TACC2: variants seen among roughly 807,000 people sequenced by gnomAD.
The protein encoded by TACC2 is transforming acidic coiled-coil containing protein 2.
In TACC2, 137 loss-of-function variants were observed where a neutral mutation model predicts 227.3. That is an observed-to-expected ratio of 0.60 (90% CI 0.52 to 0.69). TACC2 has a LOEUF of 0.69. Ranked by LOEUF, TACC2 falls within the 30% of genes least tolerant of loss-of-function variation. The probability of loss-of-function intolerance (pLI) is 0.00; values close to 1 mark genes in which losing one functional copy is unlikely to be tolerated. For missense variants in TACC2, 3,470 were observed against 3,694.4 expected (o/e 0.94, Z 1.57); for synonymous variants, 1,523 against 1,487.5 (o/e 1.02, Z -0.55).
intron 11 of TACC2, among the ~76,000 whole-genome samples, chr10:122,217,775 C>T (rs901648299): frequency 2.4e-4 from 36 of 151,826 alleles, no homozygotes; most frequent in African/African-American, 8.5e-4. Flanking sequence ...GGAGAGCTAG[C>T]ACCTTTCTTG....
intron 5 of TACC2, among the ~76,000 whole-genome samples, chr10:122,120,116 TC>T (rs997402711): frequency 1.3e-5 from 2 of 151,968 alleles, no homozygotes; most frequent in African/African-American, 4.8e-5. Context: ...AGGAGAAGGT[TC>T]CCCCTCCGTC....
chr10:122,134,789 C>T (rs1042215841), intron 6 of TACC2, among the ~76,000 whole-genome samples: 34 of 152,286 alleles, frequency 2.2e-4, no homozygotes, highest in East Asian at 7.7e-4. Context: ...TGCGGGGGCA[C>T]GAGGAAGCTC....
chr10:122,087,037 G>C lies in TACC2; in HGVS notation c.4537G>C (p.Gly1513Arg). Reference protein sequence around the residue: ...LTWERNLPGAGVGKEMAGVPP... With the variant: ...LTWERNLPGARVGKEMAGVPP... ...CTGGGAGCGGAACTTGCCAGGTGCC[G>C]GTGTGGGGAAGGAGATGGCAGGTGT... The change falls in exon 4 of 23, where the codon GGT (glycine) becomes CGT (arginine). Residue 1513 changes from glycine to arginine, a missense_variant. Transcript: ENST00000369005. The C allele has an allele frequency of 2.5e-6, 4 of 1,613,812 alleles. No individual in the cohort carries two copies. The highest frequency in any genetic ancestry group is 3.4e-6 in the Non-Finnish European group (4 of 1,179,984).
At chr10:122,251,229 TTTC>T (rs1182264932) in intron 22 of TACC2, among the ~76,000 whole-genome samples, 1 of 152,190 alleles carries the variant, frequency 6.6e-6, no homozygotes, top group Admixed American at 6.5e-5. Context: ...ATTTTTTACC[TTTC>T]TTCTTAGGAT....
chr10:122,211,076 T>C lies in TACC2; in HGVS notation c.6651T>C (p.Ala2217=). ...GTGCAGAAGGGGTTGTCCCCCCGGC[T>C]TCTGGAGGTGGCAGAGTGCAGAACT... ...SESAEGVVPP[A]SGGGRVQNSP... Residue 2217 remains alanine (A), a synonymous_variant, in exon 9 of 23, where the codon GCT becomes GCC. Transcript: ENST00000369005. The C allele has an allele frequency of 8.7e-6, 14 of 1,612,752 alleles. 1 individual carries two copies. The highest frequency in any genetic ancestry group is 1.7e-4 in the Middle Eastern group (1 of 6,044).
At chr10:122,163,828 C>T (rs1017373732) in intron 7 of TACC2, 16 of 1,469,728 alleles carry the variant, frequency 1.1e-5, no homozygotes, top group African/African-American at 2.9e-5. Context: ...GCAGCAACCC[C>T]GGCCGCCGGC....
chr10:122,040,005 C>G (rs1483464797), intron 2 of TACC2, among the ~76,000 whole-genome samples: 2 of 152,108 alleles, frequency 1.3e-5, no homozygotes, highest in East Asian at 3.9e-4. Context: ...GTGCCTTTTG[C>G]AGCAAGCTGA....
chr10:122,168,674 C>T (rs1207796463), intron 7 of TACC2, among the ~76,000 whole-genome samples: 1 of 152,190 alleles, frequency 6.6e-6, no homozygotes, highest in African/African-American at 2.4e-5. Flanking sequence ...ACAGCTAGGA[C>T]TTGGATACTG....
chr10:122,013,081 G>A (rs555589274), intron 1 of TACC2, among the ~76,000 whole-genome samples: 29 of 152,258 alleles, frequency 1.9e-4, no homozygotes, highest in Admixed American at 5.2e-4. Flanking sequence ...ACTAATAACC[G>A]GCCCAGCCTC....
chr10:122,248,534 A>C (rs1430773984), intron 19 of TACC2, 109 bp from the exon 20 acceptor site: 1 of 1,294,862 alleles, frequency 7.7e-7, no homozygotes, highest in Non-Finnish European at 1.1e-6. Context: ...CTGGGGTTTG[A>C]GATGCCCCCA....
chr10:122,084,710 A>T lies in TACC2; in HGVS notation c.2210A>T (p.Glu737Val). ...GCAGAGGTTGCACCCAAAGCCCAGGAAGGTGAGAGCACATTGGAAATAAGG... is the reference window on the plus strand; with the variant it reads ...GCAGAGGTTGCACCCAAAGCCCAGGTAGGTGAGAGCACATTGGAAATAAGG... ...PVAEVAPKAQ[E>V]GESTLEIRKM... Residue 737 changes from glutamate (E) to valine (V), a missense_variant, in exon 4 of 23, where the codon GAA becomes GTA. By Grantham distance (121) the Glu-to-Val change is moderately radical (BLOSUM62 -2). Transcript: ENST00000369005. The T allele has an allele frequency of 1.9e-6, 3 of 1,613,654 alleles. No individual in the cohort carries two copies. Among genetic ancestry groups the T allele is most frequent in the Non-Finnish European group, 2.5e-6 (3 of 1,180,028 alleles).
In TACC2 at chr10:122,068,934, G is replaced by A. The variant is rs553685237; in HGVS notation, c.147-13713G>A. Among the ~76,000 whole-genome samples the A allele has an allele frequency of 5.3e-3, 769 of 144,520 alleles. 4 individuals are homozygous for A. The highest frequency in any genetic ancestry group is 0.019 in the African/African-American group (729 of 38,762). The allele number at this position is 144,520 out of a possible 152,430, so 94.8% of individuals were successfully genotyped here. A position where few individuals can be genotyped will look rare whatever the true frequency, so the allele number is the denominator to read the frequency against. ...TGGCTGGTCTCGAACTCCTGACCTC[G>A]TGATCCACCCGCCTCAGCCTCCCAA... On this transcript the variant is annotated intron_variant, in intron 3 of 22. Transcript: ENST00000369005.
At chr10:122,253,946 C>A (rs763899099) in intron 22 of TACC2, 45 bp from the exon 23 acceptor site, 2 of 1,563,206 alleles carry the variant, frequency 1.3e-6, no homozygotes, top group South Asian at 1.1e-5. Context: ...TTCTGACTGG[C>A]CAGATTTCAA....
rs750095297 is a variant in TACC2, at chr10:122,195,073, G to A, written c.5868G>A (p.Pro1956=). The A allele has an allele frequency of 7.4e-6, 12 of 1,613,626 alleles. No individual in the cohort carries two copies. Among genetic ancestry groups the A allele is most frequent in the East Asian group, 6.7e-5 (3 of 44,864 alleles). ...SSDSEEAFET[P]ESTTPVKAPP... is the part of the protein sequence containing the mutation. ...ATTCTGAAGAGGCATTTGAGACCCC[G>A]GAGTCAACGACCCCTGTCAAAGCTC... The change falls in exon 8 of 23, where the codon CCG becomes CCA. Residue 1956 remains proline, a synonymous_variant. Coordinates refer to ENST00000369005, the MANE Select transcript of TACC2 (RefSeq NM_206862.4).
At chr10:122,065,639 T>C (rs985950916) in intron 3 of TACC2, among the ~76,000 whole-genome samples, 2 of 152,214 alleles carry the variant, frequency 1.3e-5, no homozygotes, top group Non-Finnish European at 2.9e-5. Context: ...GGTCATAGTG[T>C]TGTTCACGTC....
At chr10:122,187,780 C>T (rs962212175) in intron 7 of TACC2, among the ~76,000 whole-genome samples, 3 of 152,118 alleles carry the variant, frequency 2.0e-5, no homozygotes, top group Non-Finnish European at 4.4e-5. Flanking sequence ...GTGTGAGCCG[C>T]GGTGCCCAGC....
rs752447470 is a variant in TACC2 at position 122,083,037 on chromosome 10, G to T, written c.537G>T (p.Pro179=). ...AVPSAGRERQ[P]KEEGQKSSFS... ...CCAGTGCTGGAAGAGAGAGACAGCC[G>T]AAGGAAGAAGGACAGAAGTCCTCCT... The change falls in exon 4 of 23, where the codon CCG becomes CCT. Residue 179 remains proline, a synonymous_variant. Transcript: ENST00000369005. The T allele has an allele frequency of 1.9e-6, 3 of 1,612,420 alleles. No individual in the cohort carries two copies. The highest frequency in any genetic ancestry group is 2.5e-6 in the Non-Finnish European group (3 of 1,180,002).
At chr10:122,105,934 T>G (rs55956515) in intron 5 of TACC2, among the ~76,000 whole-genome samples, 62,874 of 133,124 alleles carry the variant, frequency 0.47, 13,671 homozygotes, top group East Asian at 0.63. Flanking sequence ...GTCATAAACA[T>G]TTTCTCTCTC....
At chr10:122,125,174 C>T (rs947287598) in intron 5 of TACC2, among the ~76,000 whole-genome samples, 2 of 152,100 alleles carry the variant, frequency 1.3e-5, no homozygotes, top group Non-Finnish European at 2.9e-5. Flanking sequence ...AGTAATTCCT[C>T]AGTCTCTCCC....
Sources: allele counts gnomAD v4.1 joint callset (sites outside exome capture counted in the v4.1 genomes callset), GRCh38; gene constraint gnomAD v4.1.1; transcripts MANE v1.5; gene names NCBI Gene and HGNC (gene_info 2026-07-23, HGNC 2026-07-21).